The following KIF26B variants were observed in gnomAD, a reference collection of about 807,000 sequenced individuals.
KIF26B encodes the protein kinesin family member 26B.
In KIF26B, 63 loss-of-function variants were observed where a neutral mutation model predicts 151.2. The ratio of observed to expected loss-of-function variants is 0.42; its 90% CI spans 0.34 to 0.51. The LOEUF (loss-of-function observed/expected upper bound fraction) is 0.51, where lower values mean the gene tolerates loss of function less well. Ranked by LOEUF, KIF26B falls within the 20% of genes least tolerant of loss-of-function variation. The pLI is 0.07. For synonymous variants in KIF26B, 1,357 were observed against 1,262.1 expected, an observed-to-expected ratio of 1.08 and a Z score of -1.59; for missense variants, 2,813 against 2,913.6, an observed-to-expected ratio of 0.97 and a Z score of 0.79.
At chr1:245,550,330 C>T (rs1309328924) in intron 5 of KIF26B, among the ~76,000 whole-genome samples, 2 of 152,230 alleles carry the variant, frequency 1.3e-5, no homozygotes, top group African/African-American at 4.8e-5. Flanking sequence ...GGTCTGTTTT[C>T]CAATGCTAGC....
chr1:245,185,833 A>G (rs1447125022), intron 2 of KIF26B, among the ~76,000 whole-genome samples: 2 of 151,730 alleles, frequency 1.3e-5, no homozygotes, highest in Non-Finnish European at 2.9e-5. Flanking sequence ...CAACCTTGAG[A>G]GTTAAAGAAA....
At chr1:245,484,767 A>ATAT (rs771748723) in intron 4 of KIF26B, among the ~76,000 whole-genome samples, 7,189 of 134,140 alleles carry the variant, frequency 0.054, 347 homozygotes, top group African/African-American at 0.13. Flanking sequence ...CTTCTTCTTC[A>ATAT]TATTATTATT....
chr1:245,503,227 T>C (rs1403659341), intron 4 of KIF26B, among the ~76,000 whole-genome samples: 2 of 152,214 alleles, frequency 1.3e-5, no homozygotes, highest in African/African-American at 4.8e-5. Flanking sequence ...ATCTAGATTT[T>C]CATGTATCAT....
In KIF26B at chr1:245,375,977, T is replaced by C. The variant is rs1673263629; in HGVS notation, c.999+8610T>C. ...CTCAGATTTCCCTATTGTTATAGAA[T>C]CATAATAAGTAGCACACCACAGCGA... On this transcript the variant is annotated intron_variant, in intron 3 of 14. Coordinates refer to ENST00000407071, the MANE Select transcript of KIF26B (RefSeq NM_018012.4). This position sits in a 1 kb window ranked among gnomAD's most constrained non-coding sequence, Gnocchi z 4.2. Among the ~76,000 whole-genome samples the C allele has an allele frequency of 6.6e-6, 1 of 152,122 alleles. No homozygotes were observed. Among genetic ancestry groups the C allele is most frequent in the Admixed American group, 6.5e-5 (1 of 15,274 alleles).
intron 10 of KIF26B, among the ~76,000 whole-genome samples, chr1:245,680,188 C>T (rs1386995077): frequency 1.3e-5 from 2 of 152,150 alleles, no homozygotes; most frequent in Admixed American, 6.5e-5. Flanking sequence ...CCCTTCCCTC[C>T]CCTGCCCTCC....
At chr1:245,551,153 C>T (rs1444460375) in intron 5 of KIF26B, among the ~76,000 whole-genome samples, 2 of 152,166 alleles carry the variant, frequency 1.3e-5, no homozygotes, top group Admixed American at 6.5e-5. Flanking sequence ...TCAGGGGATC[C>T]TCCCACCTCA....
chr1:245,491,674 G>A (rs900872714), intron 4 of KIF26B, among the ~76,000 whole-genome samples: 9 of 152,170 alleles, frequency 5.9e-5, no homozygotes, highest in African/African-American at 7.2e-5. Context: ...TCGGGAGGCC[G>A]AGGTGGGTGG....
At chr1:245,275,356 G>A (rs1283756271) in intron 2 of KIF26B, among the ~76,000 whole-genome samples, 1 of 152,062 alleles carries the variant, frequency 6.6e-6, no homozygotes, top group African/African-American at 2.4e-5. Flanking sequence ...TGTCAATTTT[G>A]GCTTTTGATG....
chr1:245,504,032 T>A (rs1343375358), intron 4 of KIF26B, among the ~76,000 whole-genome samples: 1 of 152,182 alleles, frequency 6.6e-6, no homozygotes. Flanking sequence ...TCGTATCCCC[T>A]AGGGGCTGCT....
intron 10 of KIF26B, among the ~76,000 whole-genome samples, chr1:245,666,740 A>T (rs933635097): frequency 3.9e-5 from 6 of 151,936 alleles, no homozygotes; most frequent in South Asian, 2.1e-4. Context: ...TCCGTACCAA[A>T]TGGTACGGAC....
intron 2 of KIF26B, among the ~76,000 whole-genome samples, chr1:245,279,462 C>T (rs1328087316): frequency 6.6e-6 from 1 of 151,918 alleles, no homozygotes; most frequent in Non-Finnish European, 1.5e-5. Context: ...CATGCACTAT[C>T]ACACGGGGCT....
intron 4 of KIF26B, among the ~76,000 whole-genome samples, chr1:245,526,406 A>G (rs1284066070): frequency 6.6e-6 from 1 of 152,186 alleles, no homozygotes; most frequent in Admixed American, 6.5e-5. Flanking sequence ...AGTCAAGGGC[A>G]GAAATTCTGC....
intron 2 of KIF26B, among the ~76,000 whole-genome samples, chr1:245,326,910 G>C (rs1409519866): frequency 6.6e-6 from 1 of 152,214 alleles, no homozygotes; most frequent in Non-Finnish European, 1.5e-5. Flanking sequence ...AGGGATTAGT[G>C]GGAACCCTTC....
At chr1:245,525,819 A>G (rs1661226212) in intron 4 of KIF26B, among the ~76,000 whole-genome samples, 1 of 152,184 alleles carries the variant, frequency 6.6e-6, no homozygotes, top group South Asian at 2.1e-4. Context: ...TTAGCCAAGG[A>G]TTTAGTGTTG....
chr1:245,453,174 G>T (rs1659436671), intron 4 of KIF26B, among the ~76,000 whole-genome samples: 1 of 151,960 alleles, frequency 6.6e-6, no homozygotes, highest in African/African-American at 2.4e-5. Context: ...CAGAACACTA[G>T]ATCTGTTTTA....
At chr1:245,276,082 C>T (rs1670930113) in intron 2 of KIF26B, among the ~76,000 whole-genome samples, 1 of 152,084 alleles carries the variant, frequency 6.6e-6, no homozygotes, top group South Asian at 2.1e-4. Flanking sequence ...TGGCTCATGC[C>T]TGTAATCCCA....
intron 5 of KIF26B, among the ~76,000 whole-genome samples, chr1:245,580,564 G>A (rs148799419): frequency 4.3e-4 from 66 of 152,252 alleles, no homozygotes; most frequent in African/African-American, 1.5e-3. Flanking sequence ...AAGGTGTGGC[G>A]GAGCCTCCGG....
intron 4 of KIF26B, among the ~76,000 whole-genome samples, chr1:245,521,339 TTAA>T (rs1236126130): frequency 1.5e-5 from 2 of 137,048 alleles, no homozygotes; most frequent in Non-Finnish European, 3.2e-5. Flanking sequence ...AGACTCCGTC[TTAA>T]AAAAAAAAAA....
At chr1:245,477,806 A>G (rs929538743) in intron 4 of KIF26B, among the ~76,000 whole-genome samples, 2 of 151,826 alleles carry the variant, frequency 1.3e-5, no homozygotes, top group African/African-American at 4.8e-5. Context: ...GTCAGAGTCT[A>G]TAGGGCCTAG....
Sources: gnomAD v4.1 joint callset for allele counts (sites outside exome capture counted in the v4.1 genomes callset) on GRCh38, gnomAD v4.1.1 for gene constraint, Gnocchi (gnomAD v3.1) non-coding constraint, MANE v1.5 for transcripts, NCBI Gene and HGNC (gene_info 2026-07-23, HGNC 2026-07-21) for gene names.